The following DYNC1LI1 variants were observed in gnomAD, a reference collection of about 807,000 sequenced individuals.
DYNC1LI1 encodes cytoplasmic dynein 1 light intermediate chain 1.
A neutral mutation model predicts 63.8 loss-of-function variants in DYNC1LI1; 19 were observed. The observed-to-expected ratio is 0.30, with a 90% CI of 0.21 to 0.44. The LOEUF (loss-of-function observed/expected upper bound fraction) is 0.44, where lower values mean the gene tolerates loss of function less well. DYNC1LI1 is among the 20% of genes least tolerant of loss of function. DYNC1LI1 has a pLI of 1.00. For missense variants in DYNC1LI1, 565 were observed against 630.2 expected, an observed-to-expected ratio of 0.90 and a Z score of 1.11; for synonymous variants, 225 against 232.3, an observed-to-expected ratio of 0.97 and a Z score of 0.28.
At chr3:32,535,533 C>T (rs1697762373) in intron 6 of DYNC1LI1, among the ~76,000 whole-genome samples, 1 of 152,160 alleles carries the variant, frequency 6.6e-6, no homozygotes, top group Non-Finnish European at 1.5e-5. Context: ...AGCAGTATTG[C>T]TAAATACAAC....
chr3:32,534,825 CAATT>C (rs1253552040), intron 6 of DYNC1LI1, among the ~76,000 whole-genome samples, 179 bp from the exon 7 acceptor site: 1 of 152,112 alleles, frequency 6.6e-6, no homozygotes, highest in Non-Finnish European at 1.5e-5. Flanking sequence ...ATATGGGCTA[CAATT>C]AATAAAAGAA....
In DYNC1LI1 at chr3:32,526,505, C is replaced by T. The variant is rs1025807099; in HGVS notation, c.*294G>A. The T allele has an allele frequency of 9.6e-6, 2 of 209,208 alleles. No homozygotes were observed. Among genetic ancestry groups the T allele is most frequent in the Non-Finnish European group, 9.6e-6 (1 of 103,796 alleles). The allele number at this position is 209,208 out of a possible 1,614,324, so 13.0% of individuals were successfully genotyped here. On this transcript the variant is annotated 3_prime_UTR_variant, in exon 13 of 13. Transcript: ENST00000273130. ...TTTTAAATAGCCTTTAGAATATGAT[C>T]GATCACATGGCTGTATTTCAGATCT...
rs149574755 is a variant in DYNC1LI1 at position 32,565,556 on chromosome 3, C to T, written c.220+4790G>A. Reference sequence around the variant, plus strand: ...CTTACTTACAAGGAAAGCTCTTTTCCTTTAGGGAGATTCTATAGATTAAGA... The same window carrying T: ...CTTACTTACAAGGAAAGCTCTTTTCTTTTAGGGAGATTCTATAGATTAAGA... On this transcript the variant is annotated intron_variant, in intron 2 of 12. Transcript: ENST00000273130. Among the ~76,000 whole-genome samples, 8 of 152,256 alleles carry T rather than the reference C, an allele frequency of 5.3e-5. No individual in the cohort carries two copies. In the East Asian group the frequency reaches 1.5e-3, roughly 29 times the overall value.
chr3:32,544,080 A>G (rs1697919245), intron 4 of DYNC1LI1, among the ~76,000 whole-genome samples: 1 of 152,078 alleles, frequency 6.6e-6, no homozygotes. Flanking sequence ...ATAAAAATAA[A>G]AAATGTTGCT....
rs1698342103 is a variant in DYNC1LI1 at position 32,570,853 on chromosome 3, G to C, written c.-83C>G. 2 of 1,494,792 alleles carry C rather than the reference G, an allele frequency of 1.3e-6. No individual in the cohort carries two copies. The highest frequency in any genetic ancestry group is 1.8e-6 in the Non-Finnish European group (2 of 1,116,172). 92.6% of individuals were successfully genotyped at this position (1,494,792 alleles called of 1,614,324 possible). A position where few individuals can be genotyped will look rare whatever the true frequency, so the allele number is the denominator to read the frequency against. On this transcript the variant is annotated 5_prime_UTR_variant, in exon 1 of 13. Transcript: ENST00000273130. The stretch of plus-strand genomic sequence containing the variant: ...GTGGCGGTGGAGGCGGCGGGAACCC[G>C]GATATGGGGCGTTCAGCGCACGGGA...
chr3:32,544,998 A>T lies in DYNC1LI1; in HGVS notation c.446T>A (p.Val149Asp). 1 of 1,614,094 alleles carries T rather than the reference A, an allele frequency of 6.2e-7. No individual in the cohort carries two copies. Among genetic ancestry groups the T allele is most frequent in the African/African-American group, 1.3e-5 (1 of 75,052 alleles). ...VSLKDTLVML[V>D]VDMSKPWTAL... ...AGTCCAAGGCTTTGACATGTCAACAACCAGCATAACTAGAGTATCCTTCAG... is the reference window on the plus strand; with the variant it reads ...AGTCCAAGGCTTTGACATGTCAACATCCAGCATAACTAGAGTATCCTTCAG... The change falls in exon 4 of 13, where the codon GTT becomes GAT. Residue 149 changes from valine (V) to aspartate (D), a missense_variant. By Grantham distance (152) the Val-to-Asp change is radical. Coordinates refer to ENST00000273130, the MANE Select transcript of DYNC1LI1 (RefSeq NM_016141.4).
At chr3:32,546,972 C>T (rs920233683) in intron 2 of DYNC1LI1, among the ~76,000 whole-genome samples, 11 of 152,084 alleles carry the variant, frequency 7.2e-5, no homozygotes, top group African/African-American at 2.7e-4. Flanking sequence ...AGGCCAGGCG[C>T]GGTGGCTCAC....
At chr3:32,552,729 C>T (rs1211376726) in intron 2 of DYNC1LI1, among the ~76,000 whole-genome samples, 3 of 152,090 alleles carry the variant, frequency 2.0e-5, no homozygotes, top group Non-Finnish European at 2.9e-5. Flanking sequence ...GTCGTTGAGA[C>T]GGAGTCTCCC....
chr3:32,537,200 A>G (rs1697786458), intron 5 of DYNC1LI1, 96 bp from the exon 6 acceptor site: 2 of 631,314 alleles, frequency 3.2e-6, no homozygotes, highest in Admixed American at 3.7e-5. Context: ...GGAACATCAT[A>G]AAAGTACCAC....
chr3:32,539,381 T>C (rs890570548), intron 5 of DYNC1LI1, among the ~76,000 whole-genome samples: 1 of 152,134 alleles, frequency 6.6e-6, no homozygotes, highest in East Asian at 1.9e-4. Context: ...TACCCTCCTT[T>C]AATTTTACAT....
intron 2 of DYNC1LI1, among the ~76,000 whole-genome samples, chr3:32,559,298 T>TGG (rs917288013): frequency 2.0e-5 from 3 of 152,106 alleles, no homozygotes; most frequent in Non-Finnish European, 4.4e-5. Context: ...TGGAGTGCAG[T>TGG]GGCAAGATCT....
At position 32,534,665 on chromosome 3, in the gene DYNC1LI1, GA is replaced by G. The variant is rs753496869; in HGVS notation, c.833-20del. Reference sequence around the variant, plus strand: ...GCACCATCTGAATAATATGGTTAAAGAAAAATTCTGGACAAATGTCATGAGC... The same window carrying G: ...GCACCATCTGAATAATATGGTTAAAGAAAATTCTGGACAAATGTCATGAGC... On this transcript the variant is annotated intron_variant, in intron 6 of 12. Coordinates refer to ENST00000273130, the MANE Select transcript of DYNC1LI1 (RefSeq NM_016141.4). 2 of 1,508,982 alleles carry G rather than the reference GA, an allele frequency of 1.3e-6. No homozygotes were observed. Among genetic ancestry groups the G allele is most frequent in the South Asian group, 1.4e-5 (1 of 72,332 alleles). 93.5% of individuals were successfully genotyped at this position (1,508,982 alleles called of 1,614,324 possible). A position where few individuals can be genotyped will look rare whatever the true frequency, so the allele number is the denominator to read the frequency against.
At chr3:32,536,223 G>A (rs560607748) in intron 6 of DYNC1LI1, among the ~76,000 whole-genome samples, 34 of 152,248 alleles carry the variant, frequency 2.2e-4, no homozygotes, top group African/African-American at 5.8e-4. Context: ...CACCATAAAC[G>A]TGTGTATTAC....
chr3:32,529,834 G>A (rs1697671374), intron 10 of DYNC1LI1, among the ~76,000 whole-genome samples, 174 bp from the exon 11 acceptor site: 1 of 152,168 alleles, frequency 6.6e-6, no homozygotes, highest in Non-Finnish European at 1.5e-5. Flanking sequence ...GAGAATGCCA[G>A]ACAGAGGCCC....
chr3:32,525,992 G>C lies in DYNC1LI1; in HGVS notation c.*807C>G, dbSNP rs1697610183. On this transcript the variant is annotated 3_prime_UTR_variant, in exon 13 of 13. Coordinates refer to ENST00000273130, the MANE Select transcript of DYNC1LI1 (RefSeq NM_016141.4). ...CAAGTTATTTGAACCTGAATGCAGA[G>C]AATAAATACTTTATTAACTGATTAC... 2.0e-5 allele frequency: 3 copies of C among 151,944 alleles called. No homozygotes were observed. The highest frequency in any genetic ancestry group is 6.6e-5 in the Admixed American group (1 of 15,190). The allele number at this position is 151,944 out of a possible 1,614,324, so 9.4% of individuals were successfully genotyped here.
rs201025871 is a variant in DYNC1LI1 at position 32,551,681 on chromosome 3, C to CA, written c.221-5717dup. On this transcript the variant is annotated intron_variant, in intron 2 of 12. Coordinates refer to ENST00000273130, the MANE Select transcript of DYNC1LI1 (RefSeq NM_016141.4). ...GTATGGAGGCAGAGACAACTATACT[C>CA]AAAGGCTGATTTGGTTGGGAGTTGG... Among the ~76,000 whole-genome samples the CA allele has an allele frequency of 8.1e-3, 1,239 of 152,258 alleles. 10 individuals carry two copies. Among genetic ancestry groups the CA allele is most frequent in the Middle Eastern group, 0.044 (13 of 294 alleles).
intron 2 of DYNC1LI1, among the ~76,000 whole-genome samples, chr3:32,562,394 C>A: frequency 6.6e-6 from 1 of 152,182 alleles, no homozygotes; most frequent in East Asian, 1.9e-4. Flanking sequence ...GGCTGTAGTG[C>A]AGTGGTGTGA....
chr3:32,541,495 TG>T (rs1482406143), intron 4 of DYNC1LI1, among the ~76,000 whole-genome samples: 1 of 152,212 alleles, frequency 6.6e-6, no homozygotes, highest in African/African-American at 2.4e-5. Flanking sequence ...CAATTAGTTT[TG>T]TCTCTCTACC....
chr3:32,536,279 CA>C (rs1335918984), intron 6 of DYNC1LI1, among the ~76,000 whole-genome samples: 1 of 152,152 alleles, frequency 6.6e-6, no homozygotes, highest in Non-Finnish European at 1.5e-5. Flanking sequence ...GTTTCAGACT[CA>C]AAAACTTTGG....
Sources: gnomAD v4.1 joint callset for allele counts (sites outside exome capture counted in the v4.1 genomes callset) on GRCh38, gnomAD v4.1.1 for gene constraint, MANE v1.5 for transcripts, NCBI Gene and HGNC (gene_info 2026-07-23, HGNC 2026-07-21) for gene names.